Variants in PDE4B observed in about 807,000 individuals in gnomAD.
The protein encoded by PDE4B is 3',5'-cyclic-AMP phosphodiesterase 4B.
In PDE4B, 20 loss-of-function variants were observed where a neutral mutation model predicts 82.2. That is an observed-to-expected ratio of 0.24 (90% confidence interval 0.17 to 0.35). PDE4B has a LOEUF of 0.35. PDE4B is among the 10% of genes least tolerant of loss of function. PDE4B has a pLI of 1.00. For missense variants in PDE4B, 655 were observed against 907.2 expected, an observed-to-expected ratio of 0.72 and a Z score of 3.57; for synonymous variants, 320 against 318.9, an observed-to-expected ratio of 1.00 and a Z score of -0.04.
At chr1:65,955,674 A>C (rs572980275) in intron 3 of PDE4B, among the ~76,000 whole-genome samples, 7 of 152,232 alleles carry the variant, frequency 4.6e-5, no homozygotes, top group Admixed American at 1.3e-4. Context: ...TTTATCTAGC[A>C]GCTTACCTGT....
chr1:65,849,330 G>A (rs1322084250), intron 1 of PDE4B, among the ~76,000 whole-genome samples: 2 of 152,152 alleles, frequency 1.3e-5, no homozygotes, highest in African/African-American at 4.8e-5. Context: ...GATTGTCTGG[G>A]TTACCAAGGA....
At position 66,363,424 on chromosome 1, in the gene PDE4B, G is replaced by C. The variant is rs138407878; in HGVS notation, c.1137G>C (p.Lys379Asn). 2 of 1,612,872 alleles carry C rather than the reference G, an allele frequency of 1.2e-6. No individual in the cohort carries two copies. The highest frequency in any genetic ancestry group is 1.7e-6 in the Non-Finnish European group (2 of 1,179,244). ...YAIFQERDLL[K>N]TFRISSDTFI... The stretch of plus-strand genomic sequence containing the variant: ...CAACACAGGAAAGAGACCTCCTAAA[G>C]ACATTCAGAATCTCATCTGACACAT... The change falls in exon 12 of 17, where the codon AAG becomes AAC. Residue 379 changes from lysine to asparagine, a missense_variant. Coordinates refer to ENST00000341517, the MANE Select transcript of PDE4B (RefSeq NM_002600.4).
intron 3 of PDE4B, among the ~76,000 whole-genome samples, chr1:65,937,326 A>G (rs1569749894): frequency 6.6e-6 from 1 of 152,074 alleles, no homozygotes; most frequent in South Asian, 2.1e-4. Context: ...TGTGGAGGGG[A>G]AAGTGGTTGG....
chr1:66,210,860 C>A (rs1008009663), intron 3 of PDE4B, among the ~76,000 whole-genome samples: 1 of 152,138 alleles, frequency 6.6e-6, no homozygotes, highest in Non-Finnish European at 1.5e-5. Context: ...ATCATAAGAC[C>A]ATATTAGTTA....
chr1:66,203,555 C>A (rs481493), intron 3 of PDE4B, among the ~76,000 whole-genome samples: 19,363 of 152,060 alleles, frequency 0.13, 1,433 homozygotes, highest in Non-Finnish European at 0.17. Context: ...TCTTTTTATT[C>A]TTTTTTTCTC....
intron 3 of PDE4B, among the ~76,000 whole-genome samples, chr1:66,052,913 C>A (rs1390520303): frequency 3.9e-5 from 6 of 152,156 alleles, no homozygotes; most frequent in Non-Finnish European, 8.8e-5. Flanking sequence ...ACATTTGTAC[C>A]TTCCTCCCAT....
intron 3 of PDE4B, among the ~76,000 whole-genome samples, chr1:66,197,731 G>T (rs1648453767): frequency 1.3e-5 from 2 of 152,022 alleles, no homozygotes; most frequent in Non-Finnish European, 2.9e-5. Flanking sequence ...ACTTATTTAA[G>T]ACTTAAGGGT....
At chr1:66,052,691 T>A in intron 3 of PDE4B, among the ~76,000 whole-genome samples, 1 of 152,032 alleles carries the variant, frequency 6.6e-6, no homozygotes, top group Non-Finnish European at 1.5e-5. Flanking sequence ...ATTAGGAGTG[T>A]GATGTGTGTA....
intron 3 of PDE4B, among the ~76,000 whole-genome samples, chr1:66,171,681 A>C (rs1646839157): frequency 6.6e-6 from 1 of 152,134 alleles, no homozygotes; most frequent in Admixed American, 6.6e-5. Context: ...CAGCTATATA[A>C]CCTCAAGCAG....
At chr1:65,978,243 G>A (rs548523684) in intron 3 of PDE4B, among the ~76,000 whole-genome samples, 132 of 151,596 alleles carry the variant, frequency 8.7e-4, no homozygotes, top group African/African-American at 3.0e-3. Context: ...TGCCAGGCTG[G>A]TCTCGAACTC....
At chr1:65,975,831 G>A (rs1040898008) in intron 3 of PDE4B, among the ~76,000 whole-genome samples, 2 of 152,216 alleles carry the variant, frequency 1.3e-5, no homozygotes, top group African/African-American at 4.8e-5. Flanking sequence ...GACAGGAGTT[G>A]AGGATTGGAA....
intron 3 of PDE4B, among the ~76,000 whole-genome samples, chr1:65,973,958 G>A (rs1364061013): frequency 3.3e-5 from 5 of 152,042 alleles, no homozygotes; most frequent in South Asian, 4.2e-4. Context: ...GACTGCAGGT[G>A]CATGCCACCA....
rs184047252 is a variant in PDE4B at position 66,155,383 on chromosome 1, C to T, written c.282-92077C>T. ...CTTCACAGGACCCATCATGGCTGCC[C>T]CAGACACTCACTGCCTCATGATTTC... On this transcript the variant is annotated intron_variant, in intron 3 of 16. Coordinates refer to ENST00000341517, the MANE Select transcript of PDE4B (RefSeq NM_002600.4). Among the ~76,000 whole-genome samples the T allele has an allele frequency of 1.3e-3, 192 of 152,156 alleles. 1 individual carries two copies. Among genetic ancestry groups the T allele is most frequent in the Middle Eastern group, 3.4e-3 (1 of 294 alleles).
chr1:66,027,415 C>A (rs922346234), intron 3 of PDE4B, among the ~76,000 whole-genome samples: 2 of 152,174 alleles, frequency 1.3e-5, no homozygotes, highest in Admixed American at 6.5e-5. Flanking sequence ...CTGGGACATA[C>A]AATTCAAATT....
intron 3 of PDE4B, among the ~76,000 whole-genome samples, chr1:66,245,269 T>G (rs1292728839): frequency 6.6e-6 from 1 of 152,140 alleles, no homozygotes; most frequent in African/African-American, 2.4e-5. Flanking sequence ...TAAAAGTATG[T>G]TAGTGTTTTA....
Position 66,176,313 on chromosome 1 carries a change from C to G in PDE4B, c.282-71147C>G, listed in dbSNP as rs949624702. 2.0e-5 allele frequency among the ~76,000 whole-genome samples: 3 copies of G among 152,258 alleles called. No individual in the cohort carries two copies. In the South Asian group the frequency reaches 6.2e-4, roughly 31 times the overall value. On this transcript the variant is annotated intron_variant, in intron 3 of 16. Transcript: ENST00000341517. ...CTACAAAACCACAGATCTAACACAG[C>G]ATGGGGGCTAGGCATCGCCTAAAAT...
At chr1:65,936,620 C>A (rs1648154172) in intron 3 of PDE4B, among the ~76,000 whole-genome samples, 1 of 152,164 alleles carries the variant, frequency 6.6e-6, no homozygotes, top group South Asian at 2.1e-4. Flanking sequence ...GATTGCTGGA[C>A]CCTTAGAGTT....
intron 3 of PDE4B, among the ~76,000 whole-genome samples, chr1:66,166,051 T>C (rs1038623780): frequency 6.6e-6 from 1 of 152,166 alleles, no homozygotes. Context: ...TACAGATTAA[T>C]AGAATAGAAT....
intron 3 of PDE4B, among the ~76,000 whole-genome samples, chr1:66,028,807 A>G (rs1653597811): frequency 6.6e-6 from 1 of 152,166 alleles, no homozygotes; most frequent in South Asian, 2.1e-4. Flanking sequence ...CAAGTTCCTC[A>G]TCTCCATCTG....
Sources: gnomAD v4.1 joint callset for allele counts (sites outside exome capture counted in the v4.1 genomes callset) on GRCh38, gnomAD v4.1.1 for gene constraint, MANE v1.5 for transcripts, NCBI Gene and HGNC (gene_info 2026-07-23, HGNC 2026-07-21) for gene names.